RBMS3: variants seen among roughly 807,000 people sequenced by gnomAD.
The protein encoded by RBMS3 is RNA binding motif single stranded interacting protein 3.
Under a neutral mutation model 66.8 loss-of-function variants are expected in RBMS3, and 27 were observed. The observed-to-expected ratio is 0.40, with a 90% confidence interval of 0.30 to 0.56. The LOEUF is 0.56. Ranked by LOEUF, RBMS3 falls within the 20% of genes least tolerant of loss-of-function variation. The pLI, the probability that RBMS3 is intolerant of heterozygous loss-of-function variation, is 0.40. For missense variants in RBMS3, 513 were observed against 549.5 expected, an observed-to-expected ratio of 0.93 and a Z score of 0.66; for synonymous variants, 188 against 183.0, an observed-to-expected ratio of 1.03 and a Z score of -0.22.
chr3:29,482,697 CTTTCTTTTTTT>C (rs1479269209), intron 2 of RBMS3, among the ~76,000 whole-genome samples: 5 of 92,928 alleles, frequency 5.4e-5, no homozygotes, highest in African/African-American at 2.3e-4. Context: ...TTCTTTCTTT[CTTTCTTTTTTT>C]TTTTTTTTTT....
chr3:29,281,736 C>G lies in RBMS3; in HGVS notation c.55C>G (p.Pro19Ala), dbSNP rs1197400405. 6.2e-7 allele frequency: 1 copy of G among 1,613,252 alleles called. No individual in the cohort carries two copies. Among genetic ancestry groups the G allele is most frequent in the South Asian group, 1.1e-5 (1 of 90,994 alleles). Residue 19 changes from proline (P) to alanine (A), a missense_variant, in exon 1 of 15, where the codon CCT becomes GCT. By Grantham distance (27) the Pro-to-Ala change is conservative (BLOSUM62 -1). Transcript: ENST00000383767. Reference sequence around the variant, plus strand: ...GTACCCCCAGTACACTTACTACTATCCTCATTATCTCCAAACCAAGGTATG... The same window carrying G: ...GTACCCCCAGTACACTTACTACTATGCTCATTATCTCCAAACCAAGGTATG... ...QMYPQYTYYYPHYLQTKQSYA... is the reference protein window; with the variant it reads ...QMYPQYTYYYAHYLQTKQSYA...
intron 3 of RBMS3, among the ~76,000 whole-genome samples, chr3:29,497,972 C>CTTT (rs1559412873): frequency 5.4e-4 from 23 of 42,332 alleles, no homozygotes; most frequent in East Asian, 5.1e-3. Context: ...TAAAAGTATT[C>CTTT]ATTTTTTTTT....
intron 5 of RBMS3, among the ~76,000 whole-genome samples, chr3:29,756,039 A>G (rs1417052857): frequency 6.6e-6 from 1 of 152,204 alleles, no homozygotes; most frequent in Non-Finnish European, 1.5e-5. Flanking sequence ...TTGGCAATTG[A>G]TACAGCTTGG....
At chr3:29,995,307 T>C (rs914066329) in intron 14 of RBMS3, among the ~76,000 whole-genome samples, 60 of 152,274 alleles carry the variant, frequency 3.9e-4, no homozygotes, top group Non-Finnish European at 7.3e-4. Context: ...CTGAAAGTGA[T>C]GGGGAGAATG....
At chr3:29,687,240 G>C (rs557858036) in intron 4 of RBMS3, among the ~76,000 whole-genome samples, 2 of 152,296 alleles carry the variant, frequency 1.3e-5, no homozygotes, top group South Asian at 4.1e-4. Context: ...TAACATAAAA[G>C]GATTGTTCCA....
At chr3:29,884,422 T>TTCTCCCTC (rs2059810834) in intron 8 of RBMS3, among the ~76,000 whole-genome samples, 5 of 41,842 alleles carry the variant, frequency 1.2e-4, no homozygotes, top group African/African-American at 5.2e-4. Flanking sequence ...TTAAACCCTG[T>TTCTCCCTC]TCTCTCTCTC....
At chr3:29,431,309 T>TTTTTTC (rs1213879042) in intron 1 of RBMS3, among the ~76,000 whole-genome samples, 1 of 149,642 alleles carries the variant, frequency 6.7e-6, no homozygotes, top group Admixed American at 6.7e-5. Flanking sequence ...TTCTTTTTTT[T>TTTTTTC]TTTTGACAGA....
At chr3:29,665,192 T>G (rs2050704506) in intron 4 of RBMS3, among the ~76,000 whole-genome samples, 1 of 152,196 alleles carries the variant, frequency 6.6e-6, no homozygotes, top group Non-Finnish European at 1.5e-5. Flanking sequence ...TTTCTATGTG[T>G]GGTGGACTAT....
At chr3:29,959,029 C>G (rs1559838345) in intron 12 of RBMS3, among the ~76,000 whole-genome samples, 2 of 152,266 alleles carry the variant, frequency 1.3e-5, no homozygotes, top group South Asian at 2.1e-4. Context: ...AATTCGACTG[C>G]TCAATAGAAG....
intron 4 of RBMS3, among the ~76,000 whole-genome samples, chr3:29,663,612 A>G (rs1003305751): frequency 6.6e-6 from 1 of 152,204 alleles, no homozygotes; most frequent in African/African-American, 2.4e-5. Flanking sequence ...GTAAGAGGCA[A>G]TTTGGGGAGC....
chr3:29,696,079 CTTCTG>C (rs1294587999), intron 4 of RBMS3, among the ~76,000 whole-genome samples: 1 of 152,160 alleles, frequency 6.6e-6, no homozygotes, highest in African/African-American at 2.4e-5. Flanking sequence ...CTCTCCATGT[CTTCTG>C]TTAACTCCCT....
chr3:29,520,371 C>T (rs1039513454), intron 3 of RBMS3, among the ~76,000 whole-genome samples: 4 of 152,006 alleles, frequency 2.6e-5, no homozygotes, highest in East Asian at 1.9e-4. Context: ...TCTAAAAATT[C>T]GGATACTAGA....
chr3:29,490,452 C>T (rs1012237785), intron 3 of RBMS3, among the ~76,000 whole-genome samples: 3 of 152,110 alleles, frequency 2.0e-5, no homozygotes, highest in Admixed American at 2.0e-4. Flanking sequence ...ACAAACCCTA[C>T]ATACATGTTG....
intron 2 of RBMS3, among the ~76,000 whole-genome samples, chr3:29,483,970 G>A (rs1356299564): frequency 6.6e-6 from 1 of 152,140 alleles, no homozygotes. Context: ...TTATCTCTCC[G>A]GGGAAAGAAA....
intron 4 of RBMS3, among the ~76,000 whole-genome samples, chr3:29,632,295 A>G (rs1191145429): frequency 6.6e-6 from 1 of 151,778 alleles, no homozygotes; most frequent in African/African-American, 2.4e-5. Flanking sequence ...TTATGTAGTT[A>G]TCTTTGTTCT....
At chr3:29,937,321 T>C (rs1414533150) in intron 11 of RBMS3, among the ~76,000 whole-genome samples, 2 of 152,070 alleles carry the variant, frequency 1.3e-5, no homozygotes, top group Non-Finnish European at 2.9e-5. Flanking sequence ...GATTCTTCAA[T>C]TATGCTGACT....
intron 6 of RBMS3, among the ~76,000 whole-genome samples, chr3:29,784,604 A>G (rs2056755844): frequency 6.6e-6 from 1 of 152,146 alleles, no homozygotes; most frequent in Non-Finnish European, 1.5e-5. Context: ...CAAATAGACA[A>G]TCTAAGGTCA....
At chr3:29,751,015 C>A (rs2055158011) in intron 5 of RBMS3, among the ~76,000 whole-genome samples, 2 of 152,080 alleles carry the variant, frequency 1.3e-5, no homozygotes, top group Non-Finnish European at 2.9e-5. Context: ...TAATAATAGT[C>A]ATTTATTTTG....
chr3:29,533,868 G>T (rs149392162), intron 3 of RBMS3, among the ~76,000 whole-genome samples: 24 of 152,284 alleles, frequency 1.6e-4, no homozygotes, highest in African/African-American at 5.8e-4. Flanking sequence ...TAACCTATTT[G>T]TTCTGCTGAA....
Sources: gnomAD v4.1 joint callset for allele counts (sites outside exome capture counted in the v4.1 genomes callset) on GRCh38, gnomAD v4.1.1 for gene constraint, MANE v1.5 for transcripts, NCBI Gene and HGNC (gene_info 2026-07-23, HGNC 2026-07-21) for gene names.